COL5A2: variants seen among roughly 807,000 people sequenced by gnomAD.
The protein encoded by COL5A2 is collagen type V alpha 2 chain.
COL5A2 carries 23 observed loss-of-function variants against 208.2 expected under a neutral mutation model. The ratio of observed to expected loss-of-function variants is 0.11; its 90% CI spans 0.08 to 0.16. The LOEUF is 0.16. Among genes scored for constraint, COL5A2 ranks in the 10% least tolerant of loss-of-function variants. The pLI is 1.00. For synonymous variants in COL5A2, 625 were observed against 628.5 expected (o/e 0.99, Z 0.08); for missense variants, 1,590 against 1,956.4 (o/e 0.81, Z 3.53).
chr2:189,327,246 G>A, the COL5A2 span, among the ~76,000 whole-genome samples: 1 of 151,984 alleles, frequency 6.6e-6, no homozygotes, highest in Admixed American at 6.5e-5. Context: ...TTAAAACATA[G>A]GCTTTCTCCT....
the COL5A2 span, among the ~76,000 whole-genome samples, chr2:189,432,835 T>C: frequency 4.6e-5 from 7 of 152,292 alleles, no homozygotes; most frequent in African/African-American, 1.7e-4. Context: ...GTGGACCTAA[T>C]AGGCATCTAC....
chr2:189,402,829 G>C, the COL5A2 span, among the ~76,000 whole-genome samples: 2 of 150,242 alleles, frequency 1.3e-5, no homozygotes, highest in Non-Finnish European at 2.9e-5. Context: ...AGTATAGTTT[G>C]AATTCTGGCA....
the COL5A2 span, among the ~76,000 whole-genome samples, chr2:189,416,608 G>A: frequency 1.3e-5 from 2 of 152,160 alleles, no homozygotes; most frequent in African/African-American, 4.8e-5. Context: ...TATACCTAAT[G>A]CTAAATGACG....
At chr2:189,200,427 C>T (rs1291026470) in intron 1 of COL5A2, among the ~76,000 whole-genome samples, 2 of 150,710 alleles carry the variant, frequency 1.3e-5, no homozygotes, top group African/African-American at 4.9e-5. Context: ...GCCAGATAAC[C>T]TTCAAAATTA....
the COL5A2 span, among the ~76,000 whole-genome samples, chr2:189,432,477 A>T: frequency 6.6e-6 from 1 of 152,210 alleles, no homozygotes; most frequent in African/African-American, 2.4e-5. Flanking sequence ...AAATAAAGGG[A>T]TGGAGGAAGA....
rs74350722 is a variant in COL5A2 at position 189,076,603 on chromosome 2, A to G, written c.1060-1166T>C. Among the ~76,000 whole-genome samples the G allele has an allele frequency of 7.3e-3, 1,106 of 152,316 alleles. 13 individuals are homozygous for G. Among genetic ancestry groups the G allele is most frequent in the African/African-American group, 0.025 (1,058 of 41,580 alleles). On this transcript the variant is annotated intron_variant, in intron 16 of 53. Transcript: ENST00000374866. ...TTGGCAGCATTTTATTTTAATTCTC[A>G]TCTGCAACCAGAGAGAAGAAAAAGC...
chr2:189,294,159 G>A, the COL5A2 span, among the ~76,000 whole-genome samples: 1 of 150,994 alleles, frequency 6.6e-6, no homozygotes, highest in Non-Finnish European at 1.5e-5. Context: ...CGGGCTGATA[G>A]CACACTATTG....
chr2:189,364,720 C>T, the COL5A2 span, among the ~76,000 whole-genome samples: 3 of 151,900 alleles, frequency 2.0e-5, no homozygotes, highest in African/African-American at 7.2e-5. Context: ...CTTCCAGTCT[C>T]AGCTGTGACA....
At chr2:189,199,641 T>A (rs1221338806) in intron 1 of COL5A2, among the ~76,000 whole-genome samples, 1 of 152,192 alleles carries the variant, frequency 6.6e-6, no homozygotes, top group Non-Finnish European at 1.5e-5. Context: ...TTTCTTTAAG[T>A]CATCAAGCTG....
intron 1 of COL5A2, among the ~76,000 whole-genome samples, chr2:189,134,080 G>A (rs1308433387): frequency 1.3e-5 from 2 of 152,012 alleles, no homozygotes; most frequent in African/African-American, 4.8e-5. Context: ...ATCAATACAG[G>A]TTGTTAGATC....
At chr2:189,243,819 T>G in the COL5A2 span, among the ~76,000 whole-genome samples, 1 of 152,176 alleles carries the variant, frequency 6.6e-6, no homozygotes, top group Non-Finnish European at 1.5e-5. Context: ...AGATAGTTAC[T>G]TCCTAGATAC....
At chr2:189,175,247 A>C (rs978237900) in intron 1 of COL5A2, among the ~76,000 whole-genome samples, 1 of 152,242 alleles carries the variant, frequency 6.6e-6, no homozygotes, top group Non-Finnish European at 1.5e-5. Context: ...ATTCCGGCCA[A>C]CTGTAAGTAA....
intron 1 of COL5A2, among the ~76,000 whole-genome samples, chr2:189,158,577 A>G (rs1029035535): frequency 1.8e-4 from 28 of 152,232 alleles, no homozygotes; most frequent in African/African-American, 6.7e-4. Flanking sequence ...TTTGGTTCTT[A>G]ACTGTAAAAA....
At chr2:189,251,771 T>C in the COL5A2 span, among the ~76,000 whole-genome samples, 1 of 151,628 alleles carries the variant, frequency 6.6e-6, no homozygotes, top group Non-Finnish European at 1.5e-5. Flanking sequence ...GGGACCTAAT[T>C]AAACTAAAGA....
chr2:189,399,097 ACT>A, the COL5A2 span, among the ~76,000 whole-genome samples: 1 of 152,062 alleles, frequency 6.6e-6, no homozygotes, highest in Non-Finnish European at 1.5e-5. Flanking sequence ...CCATATGTTT[ACT>A]CTTATAGCTT....
In COL5A2 at chr2:189,075,374, T is replaced by G; in HGVS notation, c.1104+19A>C. The G allele has an allele frequency of 6.4e-7, 1 of 1,553,938 alleles. No individual in the cohort carries two copies. The highest frequency in any genetic ancestry group is 8.9e-7 in the Non-Finnish European group (1 of 1,126,314). On this transcript the variant is annotated intron_variant, in intron 17 of 53. Transcript: ENST00000374866. ...GCATGAATAAATTAATGAATTAATA[T>G]GAAAATAATATAACTCACCATTGGT...
chr2:189,271,998 A>C, the COL5A2 span, among the ~76,000 whole-genome samples: 1 of 152,200 alleles, frequency 6.6e-6, no homozygotes, highest in Admixed American at 6.5e-5. Flanking sequence ...ATCATTAAAA[A>C]GTCAGAAAAC....
intron 8 of COL5A2, among the ~76,000 whole-genome samples, chr2:189,088,362 A>G (rs1686709715): frequency 6.6e-6 from 1 of 152,194 alleles, no homozygotes; most frequent in African/African-American, 2.4e-5. Flanking sequence ...GAGCACCATA[A>G]AATAGTTCTG....
intron 1 of COL5A2, among the ~76,000 whole-genome samples, chr2:189,197,296 G>A (rs748628610): frequency 2.6e-5 from 4 of 152,102 alleles, no homozygotes; most frequent in East Asian, 1.9e-4. Flanking sequence ...GTTGGGGTGC[G>A]ATGGGAGAGA....
Sources: allele counts gnomAD v4.1 joint callset (sites outside exome capture counted in the v4.1 genomes callset), GRCh38; gene constraint gnomAD v4.1.1; transcripts MANE v1.5; gene names NCBI Gene and HGNC (gene_info 2026-07-23, HGNC 2026-07-21).